HHIPL1: variants seen among roughly 807,000 people sequenced by gnomAD.
HHIPL1 encodes HHIP-like protein 1.
In HHIPL1, 43 loss-of-function variants were observed where a neutral mutation model predicts 61.8. The observed-to-expected ratio is 0.70, with a 90% CI of 0.55 to 0.90. The LOEUF (loss-of-function observed/expected upper bound fraction) is 0.90. Among genes scored for constraint, HHIPL1 ranks in the 40% least tolerant of loss-of-function variants. The pLI, the probability that HHIPL1 is intolerant of heterozygous loss-of-function variation, is 0.00. For synonymous variants in HHIPL1, 482 were observed against 515.8 expected, an observed-to-expected ratio of 0.93 and a Z score of 0.89; for missense variants, 1,056 against 1,157.7, an observed-to-expected ratio of 0.91 and a Z score of 1.28.
At chr14:99,610,511 G>A in the HHIPL1 span, among the ~76,000 whole-genome samples, 1 of 152,170 alleles carries the variant, frequency 6.6e-6, no homozygotes, top group African/African-American at 2.4e-5. Context: ...TGTAATCCCA[G>A]CACTTTGGGA....
At chr14:99,615,545 G>GAAAGA in the HHIPL1 span, among the ~76,000 whole-genome samples, 4 of 150,234 alleles carry the variant, frequency 2.7e-5, no homozygotes, top group African/African-American at 7.4e-5. Context: ...CTCTGTGTCA[G>GAAAGA]AAAGAAAAGA....
Position 99,659,574 on chromosome 14 carries a change from G to A in HHIPL1, c.1193G>A (p.Arg398His). ...GCCCTGGGCGTGCGCAACATGTGGC[G>A]CTGCTCCTTCGACCGTGGCGACCCC... ...VYALGVRNMW[R>H]CSFDRGDPSS... Residue 398 changes from arginine (R) to histidine (H), a missense_variant, in exon 4 of 9, where the codon CGC becomes CAC. By Grantham distance (29) the Arg-to-His change is conservative. Coordinates refer to ENST00000330710, the MANE Select transcript of HHIPL1 (RefSeq NM_001127258.3). 1 of 1,552,378 alleles carries A rather than the reference G, an allele frequency of 6.4e-7. No individual in the cohort carries two copies. The highest frequency in any genetic ancestry group is 8.7e-7 in the Non-Finnish European group (1 of 1,152,282).
chr14:99,621,644 G>T, the HHIPL1 span, among the ~76,000 whole-genome samples: 2 of 151,744 alleles, frequency 1.3e-5, no homozygotes, highest in African/African-American at 4.8e-5. Context: ...ACTTCCTGTG[G>T]GCAGGCCCAG....
the HHIPL1 span, among the ~76,000 whole-genome samples, chr14:99,636,989 GAAGA>G: frequency 3.5e-5 from 3 of 86,122 alleles, no homozygotes; most frequent in African/African-American, 9.3e-5. Flanking sequence ...AGGAAAGAAA[GAAGA>G]AAGAAAGAAG....
chr14:99,605,377 CGGGGCGGGGCGGGGG>C, the HHIPL1 span, among the ~76,000 whole-genome samples: 2 of 20,984 alleles, frequency 9.5e-5, 1 homozygote, highest in South Asian at 0.013. Context: ...GCAGGCGGGG[CGGGGCGGGGCGGGGG>C]GGGGTCCCTC....
At chr14:99,622,224 T>C in the HHIPL1 span, among the ~76,000 whole-genome samples, 5 of 152,242 alleles carry the variant, frequency 3.3e-5, no homozygotes, top group African/African-American at 1.2e-4. Context: ...CTTTGGCACA[T>C]CTGATAAGCT....
chr14:99,646,686 A>ATG (rs2055838865), intron 1 of HHIPL1, among the ~76,000 whole-genome samples: 1 of 151,992 alleles, frequency 6.6e-6, no homozygotes, highest in Non-Finnish European at 1.5e-5. Context: ...AGGCAGGAGA[A>ATG]GCACTTGACT....
Position 99,660,132 on chromosome 14 carries a change from AGCCCTGCTGTGGGCAC to A in HHIPL1, c.1376-144_1376-129del. 7.7e-6 allele frequency: 5 copies of A among 649,250 alleles called. No individual in the cohort carries two copies. The highest frequency in any genetic ancestry group is 2.6e-5 in the South Asian group (1 of 38,108). 40.2% of individuals were successfully genotyped at this position (649,250 alleles called of 1,614,324 possible). On this transcript the variant is annotated intron_variant, in intron 4 of 8. Coordinates refer to ENST00000330710, the MANE Select transcript of HHIPL1 (RefSeq NM_001127258.3). The surrounding 1 kb of genome is among the most constrained non-coding windows in gnomAD (Gnocchi z 4.9). Reference sequence around the variant, plus strand: ...CTGCAGACACGCTTTCCACCACGCCAGCCCTGCTGTGGGCACGCCAGCCCTGCTGTGGGCACGCCCC... The same window carrying A: ...CTGCAGACACGCTTTCCACCACGCCAGCCAGCCCTGCTGTGGGCACGCCCC...
rs559917360 is a variant in HHIPL1 at position 99,645,580 on chromosome 14, G to T, written c.255+118G>T. 127 of 1,087,022 alleles carry T rather than the reference G, an allele frequency of 1.2e-4. No individual in the cohort carries two copies. In the African/African-American group the frequency reaches 1.9e-3, roughly 16 times the overall value. The allele number at this position is 1,087,022 out of a possible 1,614,324, so 67.3% of individuals were successfully genotyped here. On this transcript the variant is annotated intron_variant, in intron 1 of 8. Transcript: ENST00000330710. The stretch of plus-strand genomic sequence containing the variant: ...TGGGCGGCGGACTCGGGAACTCTAA[G>T]CCCCAACAGGGAGTCATTTGGCACG...
At position 99,657,881 on chromosome 14, in the gene HHIPL1, CCA is replaced by C. The variant is rs371144248; in HGVS notation, c.1046+745_1046+746del. ...AATACACACACATATACACACACAT[CCA>C]CACACATCCACATACATCCACATGT... On this transcript the variant is annotated intron_variant, in intron 3 of 8. Coordinates refer to ENST00000330710, the MANE Select transcript of HHIPL1 (RefSeq NM_001127258.3). Among the ~76,000 whole-genome samples the C allele has an allele frequency of 3.9e-3, 587 of 151,292 alleles. 4 individuals carry two copies. Among genetic ancestry groups the C allele is most frequent in the African/African-American group, 0.014 (557 of 41,048 alleles).
chr14:99,668,929 GCA>G lies in HHIPL1; in HGVS notation c.1730+629_1730+630del. On this transcript the variant is annotated intron_variant, in intron 7 of 8. Coordinates refer to ENST00000330710, the MANE Select transcript of HHIPL1 (RefSeq NM_001127258.3). The surrounding 1 kb of genome is among the most constrained non-coding windows in gnomAD (Gnocchi z 4.7). Reference sequence around the variant, plus strand: ...GTTCATTTTACAGTGGTGGAAATGAGCACAAAGACACGAAGTCATGGGCCTGG... The same window carrying G: ...GTTCATTTTACAGTGGTGGAAATGAGCAAAGACACGAAGTCATGGGCCTGG... 1 of 1,610,674 alleles carries G rather than the reference GCA, an allele frequency of 6.2e-7. No individual in the cohort carries two copies.
Position 99,664,945 on chromosome 14 carries a change from G to T in HHIPL1, c.1648+1924G>T, listed in dbSNP as rs12432679. ...TTTTTTTTTTCCAAGACTGAGCTTC[G>T]CTCTTGTTGCCCAGGCTGGAGTGAA... On this transcript the variant is annotated intron_variant, in intron 6 of 8. Coordinates refer to ENST00000330710, the MANE Select transcript of HHIPL1 (RefSeq NM_001127258.3). Among the ~76,000 whole-genome samples, 193 of 145,466 alleles carry T rather than the reference G, an allele frequency of 1.3e-3. 1 individual carries two copies. Among genetic ancestry groups the T allele is most frequent in the African/African-American group, 4.8e-3 (186 of 38,928 alleles).
At chr14:99,666,295 G>T (rs80025477) in intron 6 of HHIPL1, among the ~76,000 whole-genome samples, 1 of 152,154 alleles carries the variant, frequency 6.6e-6, no homozygotes, top group Non-Finnish European at 1.5e-5. Flanking sequence ...CTTTTGCTTC[G>T]GAGGCAGCTT....
At position 99,645,285 on chromosome 14, in the gene HHIPL1, C is replaced by A; in HGVS notation, c.78C>A (p.Phe26Leu). 1 of 1,447,660 alleles carries A rather than the reference C, an allele frequency of 6.9e-7. No individual in the cohort carries two copies. The highest frequency in any genetic ancestry group is 1.4e-5 in the South Asian group (1 of 73,484). The allele number at this position is 1,447,660 out of a possible 1,614,324, so 89.7% of individuals were successfully genotyped here. A position where few individuals can be genotyped will look rare whatever the true frequency, so the allele number is the denominator to read the frequency against. The part of the protein sequence containing the change: ...GAAAHPQCLD[F>L]RPPFRPTQPL... ...CCGCGCATCCGCAGTGCCTGGACTT[C>A]AGGCCGCCCTTCCGGCCGACGCAGC... The change falls in exon 1 of 9, where the codon TTC becomes TTA. Residue 26 changes from phenylalanine (F) to leucine (L), a missense_variant. Coordinates refer to ENST00000330710, the MANE Select transcript of HHIPL1 (RefSeq NM_001127258.3).
the HHIPL1 span, among the ~76,000 whole-genome samples, chr14:99,633,133 C>T: frequency 6.6e-6 from 1 of 152,108 alleles, no homozygotes; most frequent in Non-Finnish European, 1.5e-5. Flanking sequence ...AAGGCAGCTG[C>T]CATTCAAACT....
the HHIPL1 span, among the ~76,000 whole-genome samples, chr14:99,621,768 T>A: frequency 7.8e-6 from 1 of 127,782 alleles, no homozygotes; most frequent in Non-Finnish European, 1.6e-5. Context: ...CAGGCTGGAG[T>A]GCAGTGATGC....
chr14:99,612,186 C>T, the HHIPL1 span, among the ~76,000 whole-genome samples: 25 of 152,232 alleles, frequency 1.6e-4, 1 homozygote, highest in African/African-American at 5.5e-4. Context: ...GAATGAGAGC[C>T]GAGCGATGGG....
At chr14:99,631,846 C>T in the HHIPL1 span, among the ~76,000 whole-genome samples, 52 of 152,226 alleles carry the variant, frequency 3.4e-4, no homozygotes, top group African/African-American at 7.2e-5. Flanking sequence ...TCGCTCCTGC[C>T]GTGGGCCTTG....
the HHIPL1 span, among the ~76,000 whole-genome samples, chr14:99,638,344 G>A: frequency 6.6e-6 from 1 of 152,240 alleles, no homozygotes; most frequent in African/African-American, 2.4e-5. Context: ...GGGACAGGCG[G>A]CCTGTCGGGG....
Sources: allele counts gnomAD v4.1 joint callset (sites outside exome capture counted in the v4.1 genomes callset), GRCh38; gene constraint gnomAD v4.1.1; non-coding constraint Gnocchi (gnomAD v3.1); transcripts MANE v1.5; gene names NCBI Gene and HGNC (gene_info 2026-07-23, HGNC 2026-07-21).